Variants in APPBP2 observed in about 807,000 individuals in gnomAD.
APPBP2 encodes amyloid beta precursor protein binding protein 2.
Under a neutral mutation model 76.0 loss-of-function variants are expected in APPBP2, and 15 were observed. The ratio of observed to expected loss-of-function variants is 0.20; its 90% CI spans 0.13 to 0.30. The LOEUF (loss-of-function observed/expected upper bound fraction) is 0.30, where lower values mean the gene tolerates loss of function less well. Ranked by LOEUF, APPBP2 falls within the 10% of genes least tolerant of loss-of-function variation. The probability of loss-of-function intolerance (pLI) is 1.00; values close to 1 mark genes in which losing one functional copy is unlikely to be tolerated. For missense variants in APPBP2, 401 were observed against 687.2 expected, an observed-to-expected ratio of 0.58 and a Z score of 4.66; for synonymous variants, 222 against 242.2, an observed-to-expected ratio of 0.92 and a Z score of 0.77.
chr17:60,477,016 T>C (rs2090595645), intron 4 of APPBP2, among the ~76,000 whole-genome samples: 1 of 152,220 alleles, frequency 6.6e-6, no homozygotes, highest in Non-Finnish European at 1.5e-5. Flanking sequence ...TGTCCCAGTT[T>C]CCAGTTTAAA....
intron 1 of APPBP2, among the ~76,000 whole-genome samples, chr17:60,522,118 CAT>C (rs2091014128): frequency 1.3e-5 from 2 of 152,182 alleles, no homozygotes; most frequent in African/African-American, 4.8e-5. Flanking sequence ...TTAAGCAACA[CAT>C]GACTGTATTG....
At chr17:60,523,347 T>A (rs1461724554) in intron 1 of APPBP2, among the ~76,000 whole-genome samples, 1 of 151,376 alleles carries the variant, frequency 6.6e-6, no homozygotes, top group East Asian at 1.9e-4. Context: ...AAAAAAAAAA[T>A]TAGCTAGGCA....
chr17:60,489,226 A>T (rs922736014), intron 3 of APPBP2, among the ~76,000 whole-genome samples: 5 of 150,782 alleles, frequency 3.3e-5, no homozygotes, highest in East Asian at 3.9e-4. Flanking sequence ...TGTCTCAAAT[A>T]AAAAAAAAGA....
chr17:60,453,136 T>A (rs2090407388), intron 11 of APPBP2, among the ~76,000 whole-genome samples: 1 of 152,144 alleles, frequency 6.6e-6, no homozygotes, highest in Admixed American at 6.6e-5. Context: ...AATATAGCAA[T>A]CATATTTGTC....
At position 60,526,237 on chromosome 17, in the gene APPBP2, G is replaced by A; in HGVS notation, c.-306C>T. On this transcript the variant is annotated 5_prime_UTR_variant, in exon 1 of 13. In the 5' UTR this introduces an upstream ATG that the reference lacks. Transcript: ENST00000083182. ...CTGATCTCTGCAGGGGCGGGGCTGC[G>A]TGTGCGGCGTCATGACGTAAGCGCA... The A allele has an allele frequency of 3.3e-6, 1 of 302,540 alleles. No homozygotes were observed. The highest frequency in any genetic ancestry group is 6.3e-6 in the Non-Finnish European group (1 of 158,320). The allele number at this position is 302,540 out of a possible 1,614,324, so 18.7% of individuals were successfully genotyped here.
At chr17:60,478,365 T>C (rs970031921) in intron 4 of APPBP2, among the ~76,000 whole-genome samples, 22 of 152,198 alleles carry the variant, frequency 1.4e-4, no homozygotes, top group African/African-American at 4.3e-4. Flanking sequence ...CTAGATTTGC[T>C]TGACTTTAAG....
At chr17:60,499,567 T>C (rs2143450522) in intron 2 of APPBP2, among the ~76,000 whole-genome samples, 1 of 152,200 alleles carries the variant, frequency 6.6e-6, no homozygotes, top group East Asian at 1.9e-4. Context: ...TCTGAGTATA[T>C]AACCAAAATA....
chr17:60,449,810 T>G (rs2090378517), intron 12 of APPBP2, among the ~76,000 whole-genome samples: 1 of 152,108 alleles, frequency 6.6e-6, no homozygotes, highest in Non-Finnish European at 1.5e-5. Context: ...TCCATATTTT[T>G]TTTTGGAGAC....
chr17:60,467,077 G>C (rs997642032), intron 4 of APPBP2, among the ~76,000 whole-genome samples: 1 of 152,092 alleles, frequency 6.6e-6, no homozygotes, highest in Non-Finnish European at 1.5e-5. Flanking sequence ...GATCAGACTG[G>C]TCTAGATAGC....
At position 60,444,111 on chromosome 17, in the gene APPBP2, A is replaced by G. The variant is rs2090325481; in HGVS notation, c.*3470T>C. ...CCATTGCCCTCCCAGCCTGGGCAACAAGAGCGAAACTCCGTCTGAAAAAAA... is the reference window on the plus strand; with the variant it reads ...CCATTGCCCTCCCAGCCTGGGCAACGAGAGCGAAACTCCGTCTGAAAAAAA... On this transcript the variant is annotated 3_prime_UTR_variant, in exon 13 of 13. Transcript: ENST00000083182. 1 of 151,014 alleles carries G rather than the reference A, an allele frequency of 6.6e-6. No individual in the cohort carries two copies. The highest frequency in any genetic ancestry group is 1.5e-5 in the Non-Finnish European group (1 of 68,202). 9.4% of individuals were successfully genotyped at this position (151,014 alleles called of 1,614,324 possible). A position where few individuals can be genotyped will look rare whatever the true frequency, so the allele number is the denominator to read the frequency against.
At chr17:60,520,400 C>T (rs2090999313) in intron 1 of APPBP2, among the ~76,000 whole-genome samples, 1 of 151,754 alleles carries the variant, frequency 6.6e-6, no homozygotes, top group Non-Finnish European at 1.5e-5. Context: ...TGGTAAAACC[C>T]CATCTCTACT....
chr17:60,521,454 C>T (rs1450185599), intron 1 of APPBP2, among the ~76,000 whole-genome samples: 2 of 152,224 alleles, frequency 1.3e-5, no homozygotes, highest in Non-Finnish European at 2.9e-5. Flanking sequence ...GCTCCATTCA[C>T]GGTAAGTGCC....
chr17:60,466,366 A>G lies in APPBP2; in HGVS notation c.597T>C (p.His199=), dbSNP rs893674828. 4 of 1,614,044 alleles carry G rather than the reference A, an allele frequency of 2.5e-6. No individual in the cohort carries two copies. The East Asian group carries it at 6.7e-5, about 27-fold the overall frequency. Residue 199 remains histidine (H), a synonymous_variant, in exon 5 of 13, where the codon CAT becomes CAC. Coordinates refer to ENST00000083182, the MANE Select transcript of APPBP2 (RefSeq NM_006380.5). ...GTGCAGCTTTATTTGCTTGCTGGCC[A>G]TGTTTTGATAGTTTATCCATATATG... ...AQTYMDKLSK[H]GQQANKAALY...
chr17:60,461,537 C>A (rs941614260), intron 8 of APPBP2: 2 of 310,326 alleles, frequency 6.4e-6, no homozygotes, highest in Non-Finnish European at 5.8e-6. Context: ...ACAACAAAGA[C>A]AAGCCATTAC....
intron 4 of APPBP2, among the ~76,000 whole-genome samples, chr17:60,474,746 A>C (rs1005975353): frequency 6.6e-6 from 1 of 152,076 alleles, no homozygotes; most frequent in Non-Finnish European, 1.5e-5. Context: ...CTCTGGTTTG[A>C]AAAGAATCCT....
intron 3 of APPBP2, among the ~76,000 whole-genome samples, chr17:60,480,224 T>C (rs1339476341): frequency 5.3e-5 from 8 of 152,060 alleles, no homozygotes; most frequent in South Asian, 2.1e-4. Flanking sequence ...GATACAAAAG[T>C]AAGCCGGATG....
At chr17:60,480,037 AAC>A (rs1171647244) in intron 3 of APPBP2, among the ~76,000 whole-genome samples, 1 of 152,232 alleles carries the variant, frequency 6.6e-6, no homozygotes, top group Non-Finnish European at 1.5e-5. Context: ...CCTATACTGC[AAC>A]AGTTATTAAG....
In APPBP2 at chr17:60,451,818, T is replaced by A. The variant is rs148076552; in HGVS notation, c.1504+62A>T. The A allele has an allele frequency of 1.4e-4, 205 of 1,433,796 alleles. 2 individuals carry two copies. The East Asian group carries it at 3.9e-3, about 28-fold the overall frequency. The allele number at this position is 1,433,796 out of a possible 1,614,324, so 88.8% of individuals were successfully genotyped here. A position where few individuals can be genotyped will look rare whatever the true frequency, so the allele number is the denominator to read the frequency against. On this transcript the variant is annotated intron_variant, in intron 12 of 12. Coordinates refer to ENST00000083182, the MANE Select transcript of APPBP2 (RefSeq NM_006380.5). ...AATAACATTTTCCTTATACAACATA[T>A]AAGACATGCTGACATGTTGATTTGT...
intron 3 of APPBP2, among the ~76,000 whole-genome samples, chr17:60,483,324 A>G (rs143045943): frequency 6.6e-6 from 1 of 152,206 alleles, no homozygotes; most frequent in African/African-American, 2.4e-5. Context: ...GATTCTGGGT[A>G]TCAGCCCATT....
Sources: gnomAD v4.1 joint callset for allele counts (sites outside exome capture counted in the v4.1 genomes callset) on GRCh38, gnomAD v4.1.1 for gene constraint, MANE v1.5 for transcripts, NCBI Gene and HGNC (gene_info 2026-07-23, HGNC 2026-07-21) for gene names.